The following TYW1B variants were observed in gnomAD, a reference collection of about 807,000 sequenced individuals.
TYW1B encodes the protein S-adenosyl-L-methionine-dependent tRNA 4-demethylwyosine synthase TYW1B.
A neutral mutation model predicts 86.9 loss-of-function variants in TYW1B; 73 were observed. The observed-to-expected ratio is 0.84, with a 90% CI of 0.70 to 1.02. The LOEUF is 1.02. Among genes scored for constraint, TYW1B ranks in the 50% least tolerant of loss-of-function variants. The pLI, the probability that TYW1B is intolerant of heterozygous loss-of-function variation, is 0.00. For missense variants in TYW1B, 637 were observed against 827.4 expected (o/e 0.77, Z 2.82); for synonymous variants, 248 against 292.8 (o/e 0.85, Z 1.56).
chr7:72,729,739 G>A lies in TYW1B; in HGVS notation c.1083-808C>T, dbSNP rs530751533. Among the ~76,000 whole-genome samples, 9 of 151,992 alleles carry A rather than the reference G, an allele frequency of 5.9e-5. No individual in the cohort carries two copies. The South Asian group carries it at 6.2e-4, about 11-fold the overall frequency. On this transcript the variant is annotated intron_variant, in intron 8 of 13. Transcript: ENST00000620995. ...CACCCTCCCGACAGGCAGAACTACC[G>A]TGTGCCCTACAGGCCCCTCAAGGCC...
At chr7:72,734,536 A>G (rs1787166988) in intron 8 of TYW1B, among the ~76,000 whole-genome samples, 1 of 152,208 alleles carries the variant, frequency 6.6e-6, no homozygotes, top group African/African-American at 2.4e-5. Flanking sequence ...ACTTTAGGAC[A>G]TTGGTCTGGG....
intron 7 of TYW1B, among the ~76,000 whole-genome samples, chr7:72,753,142 G>A (rs751323118): frequency 6.6e-6 from 1 of 151,384 alleles, no homozygotes; most frequent in Non-Finnish European, 1.5e-5. Context: ...AGAAGAGCTC[G>A]CCTTTACAGA....
chr7:72,625,661 GA>G (rs1225682354), intron 12 of TYW1B, among the ~76,000 whole-genome samples: 2 of 151,652 alleles, frequency 1.3e-5, no homozygotes. Flanking sequence ...GACTGTCTCA[GA>G]AAAACAAAAC....
At chr7:72,643,049 T>A (rs1812840015) in intron 11 of TYW1B, among the ~76,000 whole-genome samples, 1 of 152,204 alleles carries the variant, frequency 6.6e-6, no homozygotes, top group South Asian at 2.1e-4. Flanking sequence ...TAAAAGCCAC[T>A]AAATTATATA....
At position 72,763,533 on chromosome 7, in the gene TYW1B, C is replaced by T. The variant is rs550575927; in HGVS notation, c.964+13883G>A. 3.9e-5 allele frequency among the ~76,000 whole-genome samples: 6 copies of T among 152,102 alleles called. No individual in the cohort carries two copies. The South Asian group carries it at 6.2e-4, about 16-fold the overall frequency. On this transcript the variant is annotated intron_variant, in intron 7 of 13. Coordinates refer to ENST00000620995, the MANE Select transcript of TYW1B (RefSeq NM_001145440.3). ...TCCTGACCTTGTGATCCACCCGCCT[C>T]GGCCTCCCAAAGCACTGGGATTACA...
intron 7 of TYW1B, among the ~76,000 whole-genome samples, chr7:72,748,373 T>C (rs1447163217): frequency 6.6e-6 from 1 of 152,136 alleles, no homozygotes; most frequent in Non-Finnish European, 1.5e-5. Context: ...TTCCTTGAGA[T>C]TTTCTACATA....
At chr7:72,759,577 T>C (rs1378948798) in intron 7 of TYW1B, among the ~76,000 whole-genome samples, 2 of 152,200 alleles carry the variant, frequency 1.3e-5, no homozygotes, top group Non-Finnish European at 2.9e-5. Context: ...CTAAGGATCA[T>C]TATTCAAAAA....
intron 7 of TYW1B, among the ~76,000 whole-genome samples, chr7:72,762,194 T>C (rs1026770375): frequency 5.3e-5 from 8 of 152,184 alleles, no homozygotes; most frequent in Non-Finnish European, 1.0e-4. Flanking sequence ...TATTTCTTCC[T>C]GAGATGTAAT....
intron 10 of TYW1B, among the ~76,000 whole-genome samples, chr7:72,712,349 T>C (rs1554454932): frequency 6.6e-6 from 1 of 152,048 alleles, no homozygotes; most frequent in Non-Finnish European, 1.5e-5. Context: ...TTTTTTTGAG[T>C]CAGAGTTTCA....
At chr7:72,808,944 C>G (rs1395959167) in intron 4 of TYW1B, among the ~76,000 whole-genome samples, 3 of 151,942 alleles carry the variant, frequency 2.0e-5, no homozygotes, top group Non-Finnish European at 4.4e-5. Flanking sequence ...GACCAAGAAA[C>G]TGAGAGGCTC....
chr7:72,756,759 A>G (rs1488097523), intron 7 of TYW1B, among the ~76,000 whole-genome samples: 1 of 152,214 alleles, frequency 6.6e-6, no homozygotes, highest in African/African-American at 2.4e-5. Flanking sequence ...AAGAGCCCTT[A>G]GCCAGAATAT....
intron 12 of TYW1B, among the ~76,000 whole-genome samples, chr7:72,625,625 G>A (rs1812325374): frequency 6.6e-6 from 1 of 150,824 alleles, no homozygotes; most frequent in African/African-American, 2.4e-5. Context: ...TTGCACCACT[G>A]CACTCCAGTC....
intron 13 of TYW1B, among the ~76,000 whole-genome samples, chr7:72,592,770 A>G (rs1168865755): frequency 6.6e-6 from 1 of 152,228 alleles, no homozygotes; most frequent in Non-Finnish European, 1.5e-5. Flanking sequence ...AGAAAATACG[A>G]CTTTGAATTA....
At chr7:72,589,730 G>A (rs548669843) in intron 13 of TYW1B, among the ~76,000 whole-genome samples, 39 of 152,298 alleles carry the variant, frequency 2.6e-4, no homozygotes, top group African/African-American at 9.4e-4. Context: ...TGCAAAATCA[G>A]TCAGTTGTGG....
chr7:72,746,308 C>T (rs554991784), intron 7 of TYW1B, among the ~76,000 whole-genome samples: 61 of 152,084 alleles, frequency 4.0e-4, no homozygotes, highest in African/African-American at 1.4e-3. Context: ...AAAACCTGTG[C>T]CTACAAACCT....
intron 10 of TYW1B, among the ~76,000 whole-genome samples, chr7:72,698,873 A>G (rs1451916281): frequency 1.3e-5 from 2 of 152,142 alleles, no homozygotes; most frequent in Admixed American, 1.3e-4. Flanking sequence ...TTCTGACTGC[A>G]AAGTCCTAAG....
chr7:72,690,305 T>A (rs534504741), intron 11 of TYW1B, among the ~76,000 whole-genome samples: 30 of 148,480 alleles, frequency 2.0e-4, no homozygotes, highest in East Asian at 3.9e-4. Flanking sequence ...TCTCTTTTTT[T>A]AAAAAAAGGA....
rs530245240 is a variant in TYW1B at position 72,581,793 on chromosome 7, G to A, written c.1786-6074C>T. Among the ~76,000 whole-genome samples, 63 of 151,726 alleles carry A rather than the reference G, an allele frequency of 4.2e-4. No individual in the cohort carries two copies. The East Asian group carries it at 9.9e-3, about 24-fold the overall frequency. On this transcript the variant is annotated intron_variant, in intron 13 of 13. Coordinates refer to ENST00000620995, the MANE Select transcript of TYW1B (RefSeq NM_001145440.3). ...AAGAGGCTGGGGGCAGTGGCCAGGC[G>A]CAGACACTCTGTCACCCAGGCTGGA...
chr7:72,592,623 T>C (rs530638057), intron 13 of TYW1B, among the ~76,000 whole-genome samples: 2 of 152,272 alleles, frequency 1.3e-5, no homozygotes, highest in African/African-American at 4.8e-5. Flanking sequence ...CAAAAAGATA[T>C]GATCCCATTC....
Sources: gnomAD v4.1 joint callset for allele counts (sites outside exome capture counted in the v4.1 genomes callset) on GRCh38, gnomAD v4.1.1 for gene constraint, MANE v1.5 for transcripts, NCBI Gene and HGNC (gene_info 2026-07-23, HGNC 2026-07-21) for gene names.